MARCHF1: variants seen among roughly 807,000 people sequenced by gnomAD.
MARCHF1 encodes E3 ubiquitin-protein ligase MARCHF1.
In MARCHF1, 40 loss-of-function variants were observed where a neutral mutation model predicts 54.2. That is an observed-to-expected ratio of 0.74 (90% confidence interval 0.57 to 0.96). The LOEUF is 0.96. Among genes scored for constraint, MARCHF1 ranks in the 40% least tolerant of loss-of-function variants. The probability of loss-of-function intolerance (pLI) is 0.00; values close to 1 mark genes in which losing one functional copy is unlikely to be tolerated. For missense variants in MARCHF1, 586 were observed against 656.5 expected, an observed-to-expected ratio of 0.89 and a Z score of 1.17; for synonymous variants, 236 against 236.3, an observed-to-expected ratio of 1.00 and a Z score of 0.01.
At chr4:164,208,179 TG>T (rs1417932731) in intron 1 of MARCHF1, among the ~76,000 whole-genome samples, 2 of 152,068 alleles carry the variant, frequency 1.3e-5, no homozygotes, top group Non-Finnish European at 2.9e-5. Context: ...GAGAAGGGAC[TG>T]GAGAGGCAGG....
At chr4:164,222,694 T>A (rs774897323) in intron 1 of MARCHF1, among the ~76,000 whole-genome samples, 8 of 152,024 alleles carry the variant, frequency 5.3e-5, no homozygotes, top group Non-Finnish European at 1.0e-4. Context: ...TCTAAGACTA[T>A]TCAAAAACAG....
intron 3 of MARCHF1, chr4:163,932,810 G>A: frequency 3.2e-6 from 2 of 616,056 alleles, no homozygotes; most frequent in Non-Finnish European, 6.4e-6. Flanking sequence ...CCATGGTCCT[G>A]GAATTGTTGG....
intron 3 of MARCHF1, among the ~76,000 whole-genome samples, chr4:163,967,997 T>TA (rs1172790546): frequency 5.3e-5 from 8 of 152,246 alleles, no homozygotes; most frequent in African/African-American, 1.7e-4. Context: ...AACCATCTTC[T>TA]AAAATCATTA....
At chr4:164,348,281 T>TGGGA (rs927812791) in intron 1 of MARCHF1, among the ~76,000 whole-genome samples, 1 of 152,270 alleles carries the variant, frequency 6.6e-6, no homozygotes, top group African/African-American at 2.4e-5. Flanking sequence ...AACTTTCTTT[T>TGGGA]GGGAGGAAGG....
chr4:163,993,587 C>T (rs1560852527), intron 2 of MARCHF1, among the ~76,000 whole-genome samples: 1 of 152,106 alleles, frequency 6.6e-6, no homozygotes, highest in Non-Finnish European at 1.5e-5. Context: ...GAATCAATAG[C>T]AGTCACCACA....
chr4:164,005,461 G>C (rs961144067), intron 2 of MARCHF1, among the ~76,000 whole-genome samples: 1 of 152,142 alleles, frequency 6.6e-6, no homozygotes, highest in African/African-American at 2.4e-5. Context: ...TGGTAGGATA[G>C]TTGGACTTCC....
chr4:163,918,920 A>G (rs536994959), intron 3 of MARCHF1, among the ~76,000 whole-genome samples: 1 of 152,190 alleles, frequency 6.6e-6, no homozygotes, highest in African/African-American at 2.4e-5. Context: ...GTCTTCATAG[A>G]TACTCTTTTC....
intron 1 of MARCHF1, among the ~76,000 whole-genome samples, chr4:164,216,660 T>G (rs898933218): frequency 6.6e-6 from 1 of 152,306 alleles, no homozygotes; most frequent in East Asian, 1.9e-4. Context: ...TTCATTATCC[T>G]GAGCCTCATG....
intron 5 of MARCHF1, among the ~76,000 whole-genome samples, chr4:163,652,342 C>T (rs1178889427): frequency 2.0e-5 from 3 of 151,844 alleles, no homozygotes; most frequent in Non-Finnish European, 2.9e-5. Context: ...CAAAGACACA[C>T]ATGAGATACG....
At chr4:164,321,491 A>T (rs1441668906) in intron 1 of MARCHF1, among the ~76,000 whole-genome samples, 1 of 152,030 alleles carries the variant, frequency 6.6e-6, no homozygotes, top group African/African-American at 2.4e-5. Flanking sequence ...AGGATAAAAA[A>T]AAAAACTATT....
intron 2 of MARCHF1, among the ~76,000 whole-genome samples, chr4:164,052,815 TA>T (rs1253280386): frequency 3.2e-4 from 49 of 152,246 alleles, no homozygotes; most frequent in African/African-American, 1.1e-3. Context: ...ATCATAGTGA[TA>T]CTAATCATGG....
intron 8 of MARCHF1, among the ~76,000 whole-genome samples, chr4:163,557,075 A>G (rs928029107): frequency 1.3e-5 from 2 of 152,202 alleles, no homozygotes; most frequent in African/African-American, 4.8e-5. Context: ...TTGATTTAAT[A>G]GCGATAGCAG....
intron 4 of MARCHF1, among the ~76,000 whole-genome samples, chr4:163,719,426 A>G (rs868848352): frequency 7.9e-5 from 12 of 152,252 alleles, no homozygotes; most frequent in Admixed American, 7.8e-4. Flanking sequence ...AATCCAGTCT[A>G]TCATTGTTGG....
chr4:163,589,399 C>A (rs1175816776), intron 7 of MARCHF1, among the ~76,000 whole-genome samples: 2 of 152,032 alleles, frequency 1.3e-5, no homozygotes, highest in African/African-American at 4.8e-5. Context: ...AAATCAAAAA[C>A]TTGGTTCATT....
chr4:164,003,708 C>G (rs192924897), intron 2 of MARCHF1, among the ~76,000 whole-genome samples: 1 of 152,198 alleles, frequency 6.6e-6, no homozygotes, highest in Admixed American at 6.6e-5. Context: ...TTAGTTCAAC[C>G]ATTGTGGAAG....
chr4:164,058,140 A>G (rs1754535651), intron 2 of MARCHF1, among the ~76,000 whole-genome samples: 1 of 152,006 alleles, frequency 6.6e-6, no homozygotes, highest in African/African-American at 2.4e-5. Context: ...GGGCTAGGGG[A>G]GGGATAACAT....
intron 3 of MARCHF1, among the ~76,000 whole-genome samples, chr4:163,915,780 G>T (rs1426498271): frequency 1.3e-5 from 2 of 152,054 alleles, no homozygotes; most frequent in African/African-American, 4.8e-5. Context: ...ATGGAAATGG[G>T]TGTTGTTGTT....
chr4:163,625,495 A>G (rs1424067514), intron 5 of MARCHF1, among the ~76,000 whole-genome samples: 3 of 152,240 alleles, frequency 2.0e-5, no homozygotes, highest in Non-Finnish European at 4.4e-5. Context: ...AGTAGAATTG[A>G]GTTGAACTGA....
intron 5 of MARCHF1, 149 bp downstream of exon 5, chr4:163,700,664 A>G (rs1744783464): frequency 1.7e-6 from 1 of 589,448 alleles, no homozygotes; most frequent in African/African-American, 1.9e-5. Context: ...TCTTCTTATT[A>G]CAGTAAAAGC....
Sources: allele counts gnomAD v4.1 joint callset (sites outside exome capture counted in the v4.1 genomes callset), GRCh38; gene constraint gnomAD v4.1.1; transcripts MANE v1.5; gene names NCBI Gene and HGNC (gene_info 2026-07-23, HGNC 2026-07-21).